CORO7: variants seen among roughly 807,000 people sequenced by gnomAD.
The protein encoded by CORO7 is coronin-7.
A neutral mutation model predicts 126.6 loss-of-function variants in CORO7; 107 were observed. The ratio of observed to expected loss-of-function variants is 0.85; its 90% CI spans 0.72 to 0.99. The LOEUF (loss-of-function observed/expected upper bound fraction) is 0.99. Ranked by LOEUF, CORO7 falls within the 50% of genes least tolerant of loss-of-function variation. CORO7 has a pLI of 0.00. For synonymous variants in CORO7, 603 were observed against 536.8 expected (o/e 1.12, Z -1.70); for missense variants, 1,314 against 1,255.8 (o/e 1.05, Z -0.70).
At position 4,359,081 on chromosome 16, in the gene CORO7, T is replaced by C. The variant is rs2054074111; in HGVS notation, c.2340+215A>G. 3 of 613,418 alleles carry C rather than the reference T, an allele frequency of 4.9e-6. No individual in the cohort carries two copies. The East Asian group carries it at 9.0e-5, about 18-fold the overall frequency. The allele number at this position is 613,418 out of a possible 1,614,324, so 38.0% of individuals were successfully genotyped here. A position where few individuals can be genotyped will look rare whatever the true frequency, so the allele number is the denominator to read the frequency against. On this transcript the variant is annotated intron_variant, in intron 23 of 27. Coordinates refer to ENST00000251166, the MANE Select transcript of CORO7 (RefSeq NM_024535.5). ...CCACCGTACCCGGCCTACAGTATGA[T>C]TTTTAATAATGGTTGAGTATGACAA...
intron 7 of CORO7, among the ~76,000 whole-genome samples, chr16:4,391,380 AC>A (rs2055383779): frequency 6.6e-6 from 1 of 152,106 alleles, no homozygotes; most frequent in Non-Finnish European, 1.5e-5. Flanking sequence ...ACATGGTGAA[AC>A]CCCATCTCTA....
At chr16:4,413,601 G>A (rs949185693) in intron 1 of CORO7, 197 bp from the exon 2 acceptor site, 8 of 485,292 alleles carry the variant, frequency 1.6e-5, no homozygotes, top group South Asian at 2.8e-5. Context: ...GCAGTGGCGC[G>A]ATCTTGGATC....
At chr16:4,412,202 C>T (rs561212698) in intron 3 of CORO7, among the ~76,000 whole-genome samples, 154 bp downstream of exon 3, 2 of 152,288 alleles carry the variant, frequency 1.3e-5, no homozygotes, top group South Asian at 2.1e-4. Context: ...AGGAAGCCTT[C>T]TGAGCCCCAC....
At chr16:4,398,401 C>T (rs1227335918) in intron 6 of CORO7, among the ~76,000 whole-genome samples, 5 of 152,184 alleles carry the variant, frequency 3.3e-5, no homozygotes, top group Admixed American at 6.5e-5. Flanking sequence ...CGGTGGCTCA[C>T]GCCTGTAATC....
At chr16:4,374,443 G>GACGGCCCCCACC (rs2054646873) in intron 9 of CORO7, among the ~76,000 whole-genome samples, 2 of 152,106 alleles carry the variant, frequency 1.3e-5, no homozygotes, top group African/African-American at 4.8e-5. Flanking sequence ...CAGGGTTCGG[G>GACGGCCCCCACC]ACGGCCCCCA....
intron 9 of CORO7, among the ~76,000 whole-genome samples, chr16:4,383,940 C>T (rs1259347165): frequency 2.0e-5 from 3 of 152,214 alleles, no homozygotes; most frequent in African/African-American, 7.2e-5. Context: ...GTCCCGGGAG[C>T]AAGTGGCCTC....
chr16:4,414,302 C>T lies in CORO7; in HGVS notation c.61-898G>A, dbSNP rs2056327884. ...CCACCAAGGCCTGGCCTCATCAGGA[C>T]ACACCTTTCCACAAAGTCTCATAAG... On this transcript the variant is annotated intron_variant, in intron 1 of 27. Transcript: ENST00000251166. 8 of 152,104 alleles carry T rather than the reference C, an allele frequency of 5.3e-5. 1 individual carries two copies. The highest frequency in any genetic ancestry group is 5.2e-4 in the Admixed American group (8 of 15,258). 9.4% of individuals were successfully genotyped at this position (152,104 alleles called of 1,614,324 possible).
chr16:4,362,668 G>C lies in CORO7; in HGVS notation c.1346C>G (p.Ser449Cys), dbSNP rs1410293969. The change falls in exon 15 of 28, where the codon TCC (serine) becomes TGC (cysteine). Residue 449 changes from serine (S) to cysteine (C), a missense_variant. By Grantham distance (112) the Ser-to-Cys change is moderately radical. Transcript: ENST00000251166. The surrounding 1 kb of genome is among the most constrained non-coding windows in gnomAD (Gnocchi z 5.3). Reference sequence around the variant, plus strand: ...GCTGGTCCCGATGCCACTGGTGCTGGAGAGTGAGGGCCCCAGGCTGGAGGG... The same window carrying C: ...GCTGGTCCCGATGCCACTGGTGCTGCAGAGTGAGGGCCCCAGGCTGGAGGG... ...STPSSLGPSL[S>C]STSGIGTSPS... 6 of 1,523,526 alleles carry C rather than the reference G, an allele frequency of 3.9e-6. No individual in the cohort carries two copies. The highest frequency in any genetic ancestry group is 2.2e-5 in the Admixed American group (1 of 45,994). 94.4% of individuals were successfully genotyped at this position (1,523,526 alleles called of 1,614,324 possible). A position where few individuals can be genotyped will look rare whatever the true frequency, so the allele number is the denominator to read the frequency against.
At chr16:4,401,052 C>G (rs914311891) in intron 6 of CORO7, among the ~76,000 whole-genome samples, 2 of 152,076 alleles carry the variant, frequency 1.3e-5, no homozygotes, top group African/African-American at 4.8e-5. Context: ...ATGTGCAGCC[C>G]CTCCCTGAGA....
chr16:4,381,621 C>T, intron 9 of CORO7: 1 of 1,597,678 alleles, frequency 6.3e-7, no homozygotes, highest in Non-Finnish European at 8.5e-7. Flanking sequence ...GGCTGGCCGG[C>T]AACACCCGCA....
In CORO7 at chr16:4,362,668, G is replaced by A. The variant is rs1410293969; in HGVS notation, c.1346C>T (p.Ser449Phe). 6 of 1,523,408 alleles carry A rather than the reference G, an allele frequency of 3.9e-6. No individual in the cohort carries two copies. The highest frequency in any genetic ancestry group is 5.0e-5 in the East Asian group (2 of 39,782). 94.4% of individuals were successfully genotyped at this position (1,523,408 alleles called of 1,614,324 possible). ...STPSSLGPSL[S>F]STSGIGTSPS... ...GCTGGTCCCGATGCCACTGGTGCTG[G>A]AGAGTGAGGGCCCCAGGCTGGAGGG... The change falls in exon 15 of 28, where the codon TCC (serine) becomes TTC (phenylalanine). Residue 449 changes from serine to phenylalanine, a missense_variant. Coordinates refer to ENST00000251166, the MANE Select transcript of CORO7 (RefSeq NM_024535.5). The surrounding 1 kb of genome is among the most constrained non-coding windows in gnomAD (Gnocchi z 5.3).
At position 4,397,939 on chromosome 16, in the gene CORO7, CAG is replaced by C. The variant is rs201001301; in HGVS notation, c.565-2602_565-2601del. On this transcript the variant is annotated intron_variant, in intron 6 of 27. Transcript: ENST00000251166. ...CTTTTTTGTTTGTTTGTTTTTGAGA[CAG>C]AGTCTCGCTCTGTTGCCCAGGCCCA... Among the ~76,000 whole-genome samples the C allele has an allele frequency of 8.7e-3, 1,309 of 149,712 alleles. 21 individuals carry two copies. The highest frequency in any genetic ancestry group is 0.03 in the African/African-American group (1,203 of 40,554).
At chr16:4,357,945 C>A in intron 25 of CORO7, 23 bp downstream of exon 25, 1 of 1,585,742 alleles carries the variant, frequency 6.3e-7, no homozygotes, top group South Asian at 1.1e-5. Context: ...CGCTTCCTCC[C>A]CACACCCAGT....
chr16:4,389,977 C>G (rs945813423), intron 7 of CORO7, among the ~76,000 whole-genome samples: 1 of 152,226 alleles, frequency 6.6e-6, no homozygotes, highest in African/African-American at 2.4e-5. Flanking sequence ...TGGGGGGAAG[C>G]AGTGCCCCTC....
intron 24 of CORO7, 86 bp from the exon 25 acceptor site, chr16:4,358,189 C>T (rs773401044): frequency 1.9e-4 from 294 of 1,554,136 alleles, no homozygotes; most frequent in Non-Finnish European, 2.4e-4. Context: ...CAGGGCAAGA[C>T]CTGGGACCCT....
chr16:4,374,546 C>T (rs2054650481), intron 9 of CORO7, among the ~76,000 whole-genome samples: 1 of 152,228 alleles, frequency 6.6e-6, no homozygotes, highest in South Asian at 2.1e-4. Flanking sequence ...AGCCGGCCTA[C>T]ACCGGGAAGG....
At chr16:4,405,397 T>C in intron 6 of CORO7, 94 bp downstream of exon 6, 1 of 1,416,674 alleles carries the variant, frequency 7.1e-7, no homozygotes, top group Non-Finnish European at 9.4e-7. Flanking sequence ...CTCCACTGCC[T>C]CCTAAACAAC....
chr16:4,379,300 G>A (rs968433442), intron 9 of CORO7, among the ~76,000 whole-genome samples: 3 of 152,078 alleles, frequency 2.0e-5, no homozygotes, highest in African/African-American at 7.2e-5. Flanking sequence ...GAGGCTCAGG[G>A]ACTTCTAGGG....
chr16:4,415,670 G>A (rs1251820747), intron 1 of CORO7: 16 of 980,948 alleles, frequency 1.6e-5, no homozygotes, highest in Non-Finnish European at 1.9e-5. Flanking sequence ...GTCACTTGAG[G>A]TCAACTCCTA....
Sources: gnomAD v4.1 joint callset for allele counts (sites outside exome capture counted in the v4.1 genomes callset) on GRCh38, gnomAD v4.1.1 for gene constraint, Gnocchi (gnomAD v3.1) non-coding constraint, MANE v1.5 for transcripts, NCBI Gene and HGNC (gene_info 2026-07-23, HGNC 2026-07-21) for gene names.